Variants in CRYGN observed in about 807,000 individuals in gnomAD.
CRYGN encodes crystallin gamma N.
CRYGN carries 17 observed loss-of-function variants against 19.2 expected under a neutral mutation model. The observed-to-expected ratio is 0.89, with a 90% CI of 0.61 to 1.33. CRYGN has a LOEUF of 1.33. CRYGN is among the 40% of genes most tolerant of loss of function. CRYGN has a pLI of 0.00. For missense variants in CRYGN, 239 were observed against 239.6 expected (o/e 1.00, Z 0.02); for synonymous variants, 84 against 85.8 (o/e 0.98, Z 0.12).
chr7:151,440,128 T>C lies in CRYGN; in HGVS notation c.-211A>G. The C allele has an allele frequency of 7.5e-7, 1 of 1,341,964 alleles. No individual in the cohort carries two copies. The highest frequency in any genetic ancestry group is 9.5e-7 in the Non-Finnish European group (1 of 1,049,354). The allele number at this position is 1,341,964 out of a possible 1,614,324, so 83.1% of individuals were successfully genotyped here. On this transcript the variant is annotated 5_prime_UTR_variant, in exon 1 of 4. Transcript: ENST00000337323. ...GCCCGCCCTGCCCGGGGTCTCCCTG[T>C]GCTCTCCGCGTTTAGCTCCCGAGCC...
At chr7:151,434,770 C>G (rs556868374) in intron 3 of CRYGN, among the ~76,000 whole-genome samples, 1 of 152,252 alleles carries the variant, frequency 6.6e-6, no homozygotes, top group East Asian at 1.9e-4. Context: ...ATAACAAAGC[C>G]ATTTCTCCCC....
At chr7:151,439,868 G>A (rs201578403) in intron 1 of CRYGN, 29 bp downstream of exon 1, 10 of 1,551,834 alleles carry the variant, frequency 6.4e-6, no homozygotes, top group Non-Finnish European at 8.7e-6. Context: ...GCCCCACTCG[G>A]TTTCCTTGGG....
chr7:151,433,357 G>A lies in CRYGN; in HGVS notation c.416+2823C>T, dbSNP rs1232082705. 6.5e-6 allele frequency: 1 copy of A among 153,132 alleles called. No homozygotes were observed. The highest frequency in any genetic ancestry group is 1.5e-5 in the Non-Finnish European group (1 of 68,406). The allele number at this position is 153,132 out of a possible 1,614,324, so 9.5% of individuals were successfully genotyped here. A position where few individuals can be genotyped will look rare whatever the true frequency, so the allele number is the denominator to read the frequency against. On this transcript the variant is annotated intron_variant, in intron 3 of 3. Coordinates refer to ENST00000337323, the MANE Select transcript of CRYGN (RefSeq NM_144727.3). The surrounding 1 kb of genome is among the most constrained non-coding windows in gnomAD (Gnocchi z 5.1). ...AGGATAGTGGCCTTTGCCTGGAAAG[G>A]GGCATGTGGTCCAAGGAAGACACCT...
At chr7:151,432,420 C>T in intron 3 of CRYGN, 1 of 434,774 alleles carries the variant, frequency 2.3e-6, no homozygotes. Flanking sequence ...TACACGAAGG[C>T]ACCCACGGTG....
intron 3 of CRYGN, chr7:151,432,322 G>C: frequency 1.0e-5 from 12 of 1,154,898 alleles, no homozygotes; most frequent in Non-Finnish European, 1.2e-5. Context: ...GGGCTGCCAG[G>C]AAGTCCCCCG....
At position 151,435,677 on chromosome 7, in the gene CRYGN, C is replaced by T. The variant is rs1386308842; in HGVS notation, c.416+503G>A. Among the ~76,000 whole-genome samples, 1 of 151,932 alleles carries T rather than the reference C, an allele frequency of 6.6e-6. No individual in the cohort carries two copies. Among genetic ancestry groups the T allele is most frequent in the Non-Finnish European group, 1.5e-5 (1 of 67,980 alleles). ...GGGTGGTGGGGGTTTGCAGAGAGGCCCGGTTCAGGGGTCAGCTCTGCGGGG... is the reference window on the plus strand; with the variant it reads ...GGGTGGTGGGGGTTTGCAGAGAGGCTCGGTTCAGGGGTCAGCTCTGCGGGG... On this transcript the variant is annotated intron_variant, in intron 3 of 3. Coordinates refer to ENST00000337323, the MANE Select transcript of CRYGN (RefSeq NM_144727.3). The surrounding 1 kb of genome is among the most constrained non-coding windows in gnomAD (Gnocchi z 4.2).
chr7:151,429,565 C>G lies in CRYGN; in HGVS notation c.*483G>C, dbSNP rs922998525. ...GAAAAGGATCAATCAGCCAGCCAGACCTGGGTTTTAGTCCTGACTGCTGTG... is the reference window on the plus strand; with the variant it reads ...GAAAAGGATCAATCAGCCAGCCAGAGCTGGGTTTTAGTCCTGACTGCTGTG... On this transcript the variant is annotated 3_prime_UTR_variant, in exon 4 of 4. Transcript: ENST00000337323. The G allele has an allele frequency of 5.5e-6, 1 of 182,418 alleles. No individual in the cohort carries two copies. Among genetic ancestry groups the G allele is most frequent in the Non-Finnish European group, 1.2e-5 (1 of 85,460 alleles). The allele number at this position is 182,418 out of a possible 1,614,324, so 11.3% of individuals were successfully genotyped here.
At chr7:151,432,415 G>A (rs957693247) in intron 3 of CRYGN, 56 of 449,762 alleles carry the variant, frequency 1.2e-4, no homozygotes, top group African/African-American at 9.5e-4. Context: ...TGGGCTACAC[G>A]AAGGCACCCA....
rs141600077 is a variant in CRYGN, at chr7:151,429,429, C to G, written c.*619G>C. On this transcript the variant is annotated 3_prime_UTR_variant, in exon 4 of 4. Transcript: ENST00000337323. Reference sequence around the variant, plus strand: ...ACAGCAGACATGATTGCACTCATTTCACAGAACAGGGTCTGAGGCCTGGAG... The same window carrying G: ...ACAGCAGACATGATTGCACTCATTTGACAGAACAGGGTCTGAGGCCTGGAG... 5.4e-4 allele frequency: 86 copies of G among 160,372 alleles called. No individual in the cohort carries two copies. The highest frequency in any genetic ancestry group is 1.9e-3 in the African/African-American group (81 of 41,632). 9.9% of individuals were successfully genotyped at this position (160,372 alleles called of 1,614,324 possible).
In CRYGN at chr7:151,430,047, C is replaced by T; in HGVS notation, c.*1G>A. The T allele has an allele frequency of 1.9e-6, 2 of 1,030,650 alleles. No individual in the cohort carries two copies. The highest frequency in any genetic ancestry group is 2.4e-5 in the East Asian group (1 of 42,300). The allele number at this position is 1,030,650 out of a possible 1,614,324, so 63.8% of individuals were successfully genotyped here. A position where few individuals can be genotyped will look rare whatever the true frequency, so the allele number is the denominator to read the frequency against. ...CATTTACATGTCAATCGGTTCCAGG[C>T]TCAGAGGTTTGCAGTCAGGAAAGGT... On this transcript the variant is annotated 3_prime_UTR_variant, in exon 4 of 4. Transcript: ENST00000337323. The surrounding 1 kb of genome is among the most constrained non-coding windows in gnomAD (Gnocchi z 5.2).
chr7:151,432,387 C>T (rs577274776), intron 3 of CRYGN: 13 of 583,132 alleles, frequency 2.2e-5, no homozygotes, highest in African/African-American at 1.6e-4. Context: ...CCCTCCCGGT[C>T]GAGCGGCCCC....
In CRYGN at chr7:151,433,583, A is replaced by AC. The variant is rs1186031910; in HGVS notation, c.416+2596dup. 6.5e-6 allele frequency: 1 copy of AC among 154,702 alleles called. No homozygotes were observed. The highest frequency in any genetic ancestry group is 1.5e-5 in the Non-Finnish European group (1 of 68,246). The allele number at this position is 154,702 out of a possible 1,614,324, so 9.6% of individuals were successfully genotyped here. Reference sequence around the variant, plus strand: ...TCAGGGCAGGCCTGGTCCAGCCTGGACCCCACCCTCATGGCCCCCGTATCC... The same window carrying AC: ...TCAGGGCAGGCCTGGTCCAGCCTGGACCCCCACCCTCATGGCCCCCGTATCC... On this transcript the variant is annotated intron_variant, in intron 3 of 3. Transcript: ENST00000337323. The surrounding 1 kb of genome is among the most constrained non-coding windows in gnomAD (Gnocchi z 5.1).
Position 151,436,991 on chromosome 7 carries a change from T to C in CRYGN, c.271-666A>G, listed in dbSNP as rs1057451278. The C allele has an allele frequency of 1.3e-5, 2 of 151,988 alleles. No homozygotes were observed. The highest frequency in any genetic ancestry group is 4.8e-5 in the African/African-American group (2 of 41,352). 9.4% of individuals were successfully genotyped at this position (151,988 alleles called of 1,614,324 possible). On this transcript the variant is annotated intron_variant, in intron 2 of 3. Transcript: ENST00000337323. The surrounding 1 kb of genome is among the most constrained non-coding windows in gnomAD (Gnocchi z 5.1). Reference sequence around the variant, plus strand: ...GCGTCACAGCTGGCCCCAGGCTAGCTCTTAGGAGAACAGCAGTTCGCAAGA... The same window carrying C: ...GCGTCACAGCTGGCCCCAGGCTAGCCCTTAGGAGAACAGCAGTTCGCAAGA...
At chr7:151,437,305 A>G (rs1240134900) in intron 2 of CRYGN, among the ~76,000 whole-genome samples, 1 of 152,042 alleles carries the variant, frequency 6.6e-6, no homozygotes, top group Non-Finnish European at 1.5e-5. Context: ...TGAGAGATGC[A>G]CGCCCCCAGG....
At chr7:151,438,329 G>A in intron 1 of CRYGN, 85 bp from the exon 2 acceptor site, 1 of 1,397,950 alleles carries the variant, frequency 7.2e-7, no homozygotes, top group Non-Finnish European at 9.7e-7. Flanking sequence ...CAACACCCTG[G>A]ATGGAACCCC....
chr7:151,437,942 A>G, intron 2 of CRYGN, 54 bp downstream of exon 2: 1 of 1,604,104 alleles, frequency 6.2e-7, no homozygotes, highest in Admixed American at 1.7e-5. Flanking sequence ...GCCAGGGCTG[A>G]CCCTCGGTCC....
chr7:151,432,242 C>CG, intron 3 of CRYGN: 1 of 1,232,220 alleles, frequency 8.1e-7, no homozygotes, highest in Non-Finnish European at 1.0e-6. Context: ...CTCTCCACCA[C>CG]GTACATGCGG....
At chr7:151,439,526 C>A (rs910409155) in intron 1 of CRYGN, among the ~76,000 whole-genome samples, 4 of 152,140 alleles carry the variant, frequency 2.6e-5, no homozygotes, top group East Asian at 1.9e-4. Flanking sequence ...CCTGAAGAGA[C>A]CCTGGGAAGG....
rs530108745 is a variant in CRYGN at position 151,431,044 on chromosome 7, G to C, written c.417-864C>G. Among the ~76,000 whole-genome samples, 1 of 152,152 alleles carries C rather than the reference G, an allele frequency of 6.6e-6. No individual in the cohort carries two copies. The highest frequency in any genetic ancestry group is 1.5e-5 in the Non-Finnish European group (1 of 68,020). On this transcript the variant is annotated intron_variant, in intron 3 of 3. Coordinates refer to ENST00000337323, the MANE Select transcript of CRYGN (RefSeq NM_144727.3). This position sits in a 1 kb window ranked among gnomAD's most constrained non-coding sequence, Gnocchi z 4.8. ...AGGAGCCCCCATGCTCAGGAATCTCGGGTCCAGGGCCCCTGTGTTCTCCTC... is the reference window on the plus strand; with the variant it reads ...AGGAGCCCCCATGCTCAGGAATCTCCGGTCCAGGGCCCCTGTGTTCTCCTC...
Sources: gnomAD v4.1 joint callset for allele counts (sites outside exome capture counted in the v4.1 genomes callset) on GRCh38, gnomAD v4.1.1 for gene constraint, Gnocchi (gnomAD v3.1) non-coding constraint, MANE v1.5 for transcripts, NCBI Gene and HGNC (gene_info 2026-07-23, HGNC 2026-07-21) for gene names.